The following IL1RAPL2 variants were observed in gnomAD, a reference collection of about 807,000 sequenced individuals.
IL1RAPL2 encodes interleukin 1 receptor accessory protein like 2, also known as X-linked interleukin-1 receptor accessory protein-like 2.
Under a neutral mutation model 44.1 loss-of-function variants are expected in IL1RAPL2, and 3 were observed. That is an observed-to-expected ratio of 0.07 (90% CI 0.03 to 0.18). The LOEUF is 0.18. Among genes scored for constraint, IL1RAPL2 ranks in the 10% least tolerant of loss-of-function variants. IL1RAPL2 has a pLI of 1.00. For synonymous variants in IL1RAPL2, 181 were observed against 178.8 expected, an observed-to-expected ratio of 1.01 and a Z score of -0.10; for missense variants, 391 against 496.4, an observed-to-expected ratio of 0.79 and a Z score of 2.02.
At chrX:105,672,966 A>C (rs1158556454) in intron 6 of IL1RAPL2, among the ~76,000 whole-genome samples, 1 of 111,170 alleles carries the variant, frequency 9.0e-6, no homozygotes, top group East Asian at 2.8e-4. Flanking sequence ...TATGAGACAC[A>C]AAGAAGACCC....
intron 6 of IL1RAPL2, among the ~76,000 whole-genome samples, chrX:105,696,391 A>G (rs1446471423): frequency 9.0e-6 from 1 of 111,387 alleles, no homozygotes; most frequent in African/African-American, 3.3e-5. Flanking sequence ...ATTTAAAGAG[A>G]TGTGCTATCT....
chrX:105,385,026 T>G (rs1297251787), intron 5 of IL1RAPL2, among the ~76,000 whole-genome samples: 1 of 111,707 alleles, frequency 9.0e-6, no homozygotes, highest in Non-Finnish European at 1.9e-5. Flanking sequence ...GGATTTTTTT[T>G]AATATAAGGT....
intron 5 of IL1RAPL2, among the ~76,000 whole-genome samples, chrX:105,400,909 A>G (rs2035602270): frequency 8.9e-6 from 1 of 111,861 alleles, no homozygotes; most frequent in African/African-American, 3.2e-5. Flanking sequence ...TTTATAATGA[A>G]CAGAAATGTA....
intron 2 of IL1RAPL2, among the ~76,000 whole-genome samples, chrX:104,818,123 G>A (rs993370834): frequency 9.1e-6 from 1 of 109,816 alleles, no homozygotes; most frequent in African/African-American, 3.3e-5. Context: ...TTGGGAGGCC[G>A]AGGCGGGAGG....
chrX:104,752,723 C>G (rs778135564), intron 2 of IL1RAPL2, among the ~76,000 whole-genome samples: 1 of 110,516 alleles, frequency 9.0e-6, no homozygotes, highest in Non-Finnish European at 1.9e-5. Context: ...GGTGTGGGTG[C>G]GTTTTCTTGG....
At chrX:104,611,098 C>G (rs1929146472) in intron 1 of IL1RAPL2, among the ~76,000 whole-genome samples, 1 of 111,832 alleles carries the variant, frequency 8.9e-6, no homozygotes, top group African/African-American at 3.3e-5. Flanking sequence ...CTGTCAGTCC[C>G]TACTGGGAGG....
chrX:105,475,281 C>G (rs758024279), intron 5 of IL1RAPL2, among the ~76,000 whole-genome samples: 108 of 111,115 alleles, frequency 9.7e-4, no homozygotes, highest in Middle Eastern at 4.6e-3. Context: ...GTTTCTTCAT[C>G]TGTCAAAATA....
At chrX:105,591,578 C>G (rs1324988026) in intron 6 of IL1RAPL2, among the ~76,000 whole-genome samples, 2 of 111,331 alleles carry the variant, frequency 1.8e-5, no homozygotes, top group African/African-American at 6.5e-5. Context: ...CCTCTTAACG[C>G]TGCTTTAGCT....
intron 2 of IL1RAPL2, among the ~76,000 whole-genome samples, chrX:104,867,539 A>G (rs1205851688): frequency 1.8e-5 from 2 of 111,914 alleles, no homozygotes; most frequent in Non-Finnish European, 3.8e-5. Context: ...GTAACAATCC[A>G]CATGGCTACA....
chrX:105,635,373 C>A (rs1441572284), intron 6 of IL1RAPL2, among the ~76,000 whole-genome samples: 2 of 111,700 alleles, frequency 1.8e-5, no homozygotes, highest in Non-Finnish European at 3.8e-5. Context: ...GAAGAGCCAT[C>A]AGTTATGTAA....
intron 6 of IL1RAPL2, among the ~76,000 whole-genome samples, chrX:105,511,119 GC>G (rs1483142308): frequency 9.0e-6 from 1 of 111,499 alleles, no homozygotes; most frequent in Non-Finnish European, 1.9e-5. Context: ...CATTATGAAT[GC>G]AAATCAAGAT....
chrX:105,256,541 C>G (rs752418367), intron 4 of IL1RAPL2, among the ~76,000 whole-genome samples: 2 of 110,533 alleles, frequency 1.8e-5, no homozygotes, highest in East Asian at 5.7e-4. Context: ...GTTGCCCAGA[C>G]TGTTCTCGAA....
At chrX:104,931,106 A>G (rs756391874) in intron 2 of IL1RAPL2, among the ~76,000 whole-genome samples, 41 of 110,604 alleles carry the variant, frequency 3.7e-4, no homozygotes, top group Non-Finnish European at 6.2e-4. Flanking sequence ...AATATCCATA[A>G]TTTATGTATA....
chrX:105,026,051 A>G (rs1200549012), intron 2 of IL1RAPL2, among the ~76,000 whole-genome samples: 2 of 110,851 alleles, frequency 1.8e-5, no homozygotes, highest in Non-Finnish European at 3.8e-5. Flanking sequence ...TCTGCGGAAA[A>G]GCATTGATGG....
chrX:105,012,475 T>C (rs768723664), intron 2 of IL1RAPL2, among the ~76,000 whole-genome samples: 2 of 110,377 alleles, frequency 1.8e-5, no homozygotes, highest in Non-Finnish European at 3.8e-5. Context: ...TAAGCAATAA[T>C]TGAGTTCTTG....
intron 2 of IL1RAPL2, among the ~76,000 whole-genome samples, chrX:104,849,245 T>A (rs1460378048): frequency 9.5e-6 from 1 of 105,259 alleles, no homozygotes; most frequent in Non-Finnish European, 2.0e-5. Context: ...TTGCCCAGGC[T>A]GGCCACGTTG....
intron 1 of IL1RAPL2, among the ~76,000 whole-genome samples, chrX:104,605,859 G>C (rs773936792): frequency 4.7e-4 from 52 of 111,811 alleles, no homozygotes; most frequent in Non-Finnish European, 7.5e-5. Flanking sequence ...CCCAGGACCA[G>C]ATGGATTCAC....
chrX:104,657,811 T>C (rs150795537), intron 1 of IL1RAPL2, among the ~76,000 whole-genome samples: 2,350 of 111,629 alleles, frequency 0.021, 31 homozygotes, highest in Non-Finnish European at 0.032. Flanking sequence ...ACAAAGGATA[T>C]GAACAGAGAC....
intron 2 of IL1RAPL2, among the ~76,000 whole-genome samples, chrX:104,754,635 G>C (rs1165901504): frequency 9.0e-6 from 1 of 111,535 alleles, no homozygotes; most frequent in East Asian, 2.8e-4. Context: ...CGATGAAATT[G>C]GTAGGCCAAT....
Sources: allele counts gnomAD v4.1 joint callset (sites outside exome capture counted in the v4.1 genomes callset), GRCh38; gene constraint gnomAD v4.1.1; transcripts MANE v1.5; gene names NCBI Gene and HGNC (gene_info 2026-07-23, HGNC 2026-07-21).